SNX18: variants seen among roughly 807,000 people sequenced by gnomAD.
SNX18 encodes the protein sorting nexin 18.
Under a neutral mutation model 48.7 loss-of-function variants are expected in SNX18, and 35 were observed. The ratio of observed to expected loss-of-function variants is 0.72; its 90% CI spans 0.55 to 0.95. SNX18 has a LOEUF of 0.95. SNX18 is among the 40% of genes least tolerant of loss of function. The pLI is 0.00. For missense variants in SNX18, 824 were observed against 871.0 expected (o/e 0.95, Z 0.68); for synonymous variants, 492 against 384.7 (o/e 1.28, Z -3.26).
At chr5:54,520,317 T>C (rs1405494169) in intron 1 of SNX18, 1 of 174,590 alleles carries the variant, frequency 5.7e-6, no homozygotes, top group Non-Finnish European at 1.4e-5. Context: ...TCATGAGTTA[T>C]TAATAGTTGT....
the SNX18 span, among the ~76,000 whole-genome samples, chr5:54,625,693 G>A: frequency 6.6e-6 from 1 of 152,190 alleles, no homozygotes; most frequent in Non-Finnish European, 1.5e-5. Context: ...CTAGGAGACA[G>A]GAACCAACGG....
chr5:54,591,147 A>C, the SNX18 span, among the ~76,000 whole-genome samples: 1 of 140,252 alleles, frequency 7.1e-6, no homozygotes. Flanking sequence ...TTTGACCCAG[A>C]CCTTGCTTTT....
At position 54,518,612 on chromosome 5, in the gene SNX18, G is replaced by T; in HGVS notation, c.660G>T (p.Lys220Asn). 2 of 1,569,130 alleles carry T rather than the reference G, an allele frequency of 1.3e-6. No homozygotes were observed. Among genetic ancestry groups the T allele is most frequent in the Non-Finnish European group, 1.7e-6 (2 of 1,158,696 alleles). The stretch of plus-strand genomic sequence containing the variant: ...CGCAGCACCACCCGTCGGGGCCCAA[G>T]AGCTCGGCCACCGTGAGCCGCAACC... ...VPPQHHPSGP[K>N]SSATVSRNLN... Residue 220 changes from lysine (K) to asparagine (N), a missense_variant, in exon 1 of 2, where the codon AAG becomes AAT. Physicochemically the swap from Lys to Asn is moderately conservative, Grantham distance 94. Transcript: ENST00000381410.
At position 54,518,902 on chromosome 5, in the gene SNX18, A is replaced by G; in HGVS notation, c.950A>G (p.Asp317Gly). 5 of 1,613,958 alleles carry G rather than the reference A, an allele frequency of 3.1e-6. No homozygotes were observed. Among genetic ancestry groups the G allele is most frequent in the Non-Finnish European group, 4.2e-6 (5 of 1,180,008 alleles). The change falls in exon 1 of 2, where the codon GAC becomes GGC. Residue 317 changes from aspartate to glycine, a missense_variant. Physicochemically the swap from Asp to Gly is moderately conservative, Grantham distance 94 (BLOSUM62 -1). Coordinates refer to ENST00000381410, the MANE Select transcript of SNX18 (RefSeq NM_001102575.2). ...GTGCATCGGCGCTACAAGCACTTCG[A>G]CTGGCTGTACGCGCGCCTGGCGGAG... ...VPVHRRYKHF[D>G]WLYARLAEKF...
the SNX18 span, among the ~76,000 whole-genome samples, chr5:54,582,886 A>T: frequency 1.3e-5 from 2 of 152,146 alleles, no homozygotes; most frequent in African/African-American, 4.8e-5. Context: ...TTCTGGGGAG[A>T]AGGTTAGTAA....
chr5:54,542,108 A>T (rs900321685), intron 1 of SNX18, among the ~76,000 whole-genome samples: 3 of 152,144 alleles, frequency 2.0e-5, no homozygotes, highest in Admixed American at 2.0e-4. Flanking sequence ...ACAGTCGGGA[A>T]ATCTGAATTC....
At chr5:54,614,102 ACAAAAGTTGC>A in the SNX18 span, among the ~76,000 whole-genome samples, 1 of 152,232 alleles carries the variant, frequency 6.6e-6, no homozygotes, top group Non-Finnish European at 1.5e-5. Flanking sequence ...TTTCTCCTGA[ACAAAAGTTGC>A]CAAGGGCATT....
At chr5:54,567,341 A>T in the SNX18 span, among the ~76,000 whole-genome samples, 9 of 152,010 alleles carry the variant, frequency 5.9e-5, no homozygotes, top group South Asian at 1.9e-3. Flanking sequence ...GGCCCAGGAA[A>T]GGTTGGTGAG....
intron 1 of SNX18, among the ~76,000 whole-genome samples, chr5:54,534,529 AT>A (rs1359788432): frequency 6.6e-6 from 1 of 151,968 alleles, no homozygotes; most frequent in Non-Finnish European, 1.5e-5. Context: ...CCTGGTTAAA[AT>A]GGCTGAGGCA....
rs1025676748 is a variant in SNX18, at chr5:54,544,913, T to C, written c.*1481T>C. The stretch of plus-strand genomic sequence containing the variant: ...AAACTTATGCTGCCTCAGAAATCCC[T>C]GGGTACTGAAATGGTAACATGGAAG... On this transcript the variant is annotated 3_prime_UTR_variant, in exon 2 of 2. Coordinates refer to ENST00000381410, the MANE Select transcript of SNX18 (RefSeq NM_001102575.2). 6.6e-6 allele frequency: 1 copy of C among 152,160 alleles called. No individual in the cohort carries two copies. The highest frequency in any genetic ancestry group is 2.4e-5 in the African/African-American group (1 of 41,452). The allele number at this position is 152,160 out of a possible 1,614,324, so 9.4% of individuals were successfully genotyped here.
chr5:54,630,799 T>C, the SNX18 span, among the ~76,000 whole-genome samples: 520 of 138,630 alleles, frequency 3.8e-3, 2 homozygotes, highest in African/African-American at 0.012. Flanking sequence ...GCCACTGCAC[T>C]GCAGCCTGGG....
chr5:54,607,894 A>G, the SNX18 span, among the ~76,000 whole-genome samples: 2 of 152,150 alleles, frequency 1.3e-5, no homozygotes, highest in Non-Finnish European at 2.9e-5. Flanking sequence ...AGATCATGCC[A>G]CTGCACTCCA....
the SNX18 span, among the ~76,000 whole-genome samples, chr5:54,610,832 C>T: frequency 6.6e-6 from 1 of 152,160 alleles, no homozygotes; most frequent in Admixed American, 6.5e-5. Context: ...GATACAAGCT[C>T]GTTAAGAGCA....
intron 1 of SNX18, 78 bp from the exon 2 acceptor site, chr5:54,543,101 A>G (rs1318311769): frequency 5.0e-6 from 7 of 1,409,970 alleles, no homozygotes; most frequent in Non-Finnish European, 6.7e-6. Flanking sequence ...AATGCCCAAG[A>G]TTCTGTTTAA....
In SNX18 at chr5:54,517,914, A is replaced by G; in HGVS notation, c.-39A>G. On this transcript the variant is annotated 5_prime_UTR_variant, in exon 1 of 2. Transcript: ENST00000381410. ...CCCCTCAGGTGGGCCTCGGCTCGGG[A>G]CGCCGGGAGTCGGGACCGCCAGTCG... is the stretch of plus-strand genomic sequence containing the variant. The G allele has an allele frequency of 6.8e-7, 1 of 1,473,902 alleles. No homozygotes were observed. The highest frequency in any genetic ancestry group is 8.9e-7 in the Non-Finnish European group (1 of 1,118,314). The allele number at this position is 1,473,902 out of a possible 1,614,324, so 91.3% of individuals were successfully genotyped here.
the SNX18 span, among the ~76,000 whole-genome samples, chr5:54,605,741 C>T: frequency 6.6e-6 from 1 of 152,136 alleles, no homozygotes; most frequent in African/African-American, 2.4e-5. Flanking sequence ...CTCACTGAAG[C>T]CTCGAACTCC....
Position 54,544,557 on chromosome 5 carries a change from A to T in SNX18, c.*1125A>T, listed in dbSNP as rs548785903. The T allele has an allele frequency of 2.0e-5, 3 of 148,914 alleles. No individual in the cohort carries two copies. Among genetic ancestry groups the T allele is most frequent in the African/African-American group, 7.4e-5 (3 of 40,772 alleles). The allele number at this position is 148,914 out of a possible 1,614,324, so 9.2% of individuals were successfully genotyped here. ...TTGATCTAAGGAGGGACCAGAAATAATTTTTGCTATTCCAAATACTGAAGG... is the reference window on the plus strand; with the variant it reads ...TTGATCTAAGGAGGGACCAGAAATATTTTTTGCTATTCCAAATACTGAAGG... On this transcript the variant is annotated 3_prime_UTR_variant, in exon 2 of 2. Transcript: ENST00000381410.
rs759984674 is a variant in SNX18 at position 54,519,091 on chromosome 5, C to T, written c.1139C>T (p.Thr380Met). ...AQCDVFQHFLTCPSSTDEKAW... is the reference protein window; with the variant it reads ...AQCDVFQHFLMCPSSTDEKAW... ...TGCGACGTCTTCCAGCACTTCCTGA[C>T]GTGCCCCAGCAGCACCGACGAGAAA... Residue 380 changes from threonine (T) to methionine (M), a missense_variant, in exon 1 of 2, where the codon ACG becomes ATG. Physicochemically the swap from Thr to Met is moderately conservative, Grantham distance 81. Coordinates refer to ENST00000381410, the MANE Select transcript of SNX18 (RefSeq NM_001102575.2). The T allele has an allele frequency of 9.9e-6, 16 of 1,613,922 alleles. No individual in the cohort carries two copies. The highest frequency in any genetic ancestry group is 1.3e-5 in the African/African-American group (1 of 74,918).
chr5:54,518,605 G>A lies in SNX18; in HGVS notation c.653G>A (p.Gly218Glu). The change falls in exon 1 of 2, where the codon GGG becomes GAG. Residue 218 changes from glycine to glutamate, a missense_variant. Transcript: ENST00000381410. ...GSVPPQHHPS[G>E]PKSSATVSRN... ...GTCCCCCCGCAGCACCACCCGTCGG[G>A]GCCCAAGAGCTCGGCCACCGTGAGC... is the stretch of plus-strand genomic sequence containing the variant. The A allele has an allele frequency of 1.9e-6, 3 of 1,574,442 alleles. No individual in the cohort carries two copies. The highest frequency in any genetic ancestry group is 2.2e-5 in the East Asian group (1 of 44,470).
Sources: gnomAD v4.1 joint callset for allele counts (sites outside exome capture counted in the v4.1 genomes callset) on GRCh38, gnomAD v4.1.1 for gene constraint, MANE v1.5 for transcripts, NCBI Gene and HGNC (gene_info 2026-07-23, HGNC 2026-07-21) for gene names.